Variants in MMRN2 observed in about 807,000 individuals in gnomAD.
MMRN2 encodes multimerin-2.
In MMRN2, 53 loss-of-function variants were observed where a neutral mutation model predicts 68.8. The observed-to-expected ratio is 0.77, with a 90% CI of 0.62 to 0.97. MMRN2 has a LOEUF of 0.97. Among genes scored for constraint, MMRN2 ranks in the 50% least tolerant of loss-of-function variants. MMRN2 has a pLI of 0.00. For synonymous variants in MMRN2, 564 were observed against 551.6 expected, an observed-to-expected ratio of 1.02 and a Z score of -0.32; for missense variants, 1,266 against 1,259.5, an observed-to-expected ratio of 1.01 and a Z score of -0.08.
At chr10:86,940,199 G>T (rs1223162697) in intron 6 of MMRN2, among the ~76,000 whole-genome samples, 2 of 151,976 alleles carry the variant, frequency 1.3e-5, no homozygotes, top group Non-Finnish European at 2.9e-5. Flanking sequence ...TAGTAGAGAT[G>T]GGGTTTCACC....
chr10:86,945,598 G>C lies in MMRN2; in HGVS notation c.256C>G (p.Pro86Ala), dbSNP rs1844055477. 8.1e-6 allele frequency: 13 copies of C among 1,610,862 alleles called. No individual in the cohort carries two copies. The highest frequency in any genetic ancestry group is 1.1e-5 in the Non-Finnish European group (13 of 1,178,732). ...KFLIHSQQPC[P>A]QGAPDCQKVK... The stretch of plus-strand genomic sequence containing the variant: ...TTCTGGCAGTCTGGAGCTCCCTGCG[G>C]ACACGGCTGCTGCGAGTGGATGAGG... The change falls in exon 2 of 7, where the codon CCG (proline) becomes GCG (alanine). Residue 86 changes from proline (P) to alanine (A), a missense_variant. Transcript: ENST00000372027.
intron 6 of MMRN2, among the ~76,000 whole-genome samples, chr10:86,939,806 G>GGTGTGT (rs769816445): frequency 1.6e-4 from 24 of 146,722 alleles, no homozygotes; most frequent in South Asian, 6.6e-4. Context: ...GGAAATTTGG[G>GGTGTGT]GTGTGTGTGT....
Position 86,941,283 on chromosome 10 carries a change from A to G in MMRN2, c.2467+1034T>C, listed in dbSNP as rs1000901777. ...CCTTAGCAGGTGCCTGAAATCTCAG[A>G]CAGTACCAAACCCTATATATACTAT... On this transcript the variant is annotated intron_variant, in intron 6 of 6. Coordinates refer to ENST00000372027, the MANE Select transcript of MMRN2 (RefSeq NM_024756.3). Among the ~76,000 whole-genome samples the G allele has an allele frequency of 3.3e-5, 5 of 152,338 alleles. No individual in the cohort carries two copies. In the East Asian group the frequency reaches 9.6e-4, roughly 29 times the overall value.
chr10:86,956,721 G>T lies in MMRN2; in HGVS notation c.164+657C>A, dbSNP rs931086137. Among the ~76,000 whole-genome samples, 3 of 152,338 alleles carry T rather than the reference G, an allele frequency of 2.0e-5. No homozygotes were observed. The South Asian group carries it at 6.2e-4, about 32-fold the overall frequency. ...AAGGTGCCTGGCCCTGAGACTGGGG[G>T]CCCCGTAAACAGCACCTGCTGCTCT... On this transcript the variant is annotated intron_variant, in intron 1 of 6. Transcript: ENST00000372027.
At position 86,943,443 on chromosome 10, in the gene MMRN2, G is replaced by A. The variant is rs1224233462; in HGVS notation, c.1341C>T (p.Arg447=). Residue 447 remains arginine (R), a synonymous_variant, in exon 6 of 7, where the codon CGC becomes CGT. Transcript: ENST00000372027. This position sits in a 1 kb window ranked among gnomAD's most constrained non-coding sequence, Gnocchi z 4.2. ...QVNHTALREL[R]VILMEKSLIM... ...TCAGAGACTTCTCCATCAGGATCAC[G>A]CGCAGCTCACGGAGCGCCGTGTGGT... is the stretch of plus-strand genomic sequence containing the variant. The A allele has an allele frequency of 3.7e-6, 6 of 1,614,130 alleles. No homozygotes were observed. Among genetic ancestry groups the A allele is most frequent in the Admixed American group, 3.3e-5 (2 of 60,026 alleles).
At chr10:86,941,173 C>T (rs186829487) in intron 6 of MMRN2, among the ~76,000 whole-genome samples, 83 of 152,312 alleles carry the variant, frequency 5.4e-4, no homozygotes, top group African/African-American at 1.9e-3. Context: ...AGCGATGAGA[C>T]AGGTTAACTG....
rs779534804 is a variant in MMRN2, at chr10:86,942,691, G to A, written c.2093C>T (p.Ala698Val). 1.5e-5 allele frequency: 24 copies of A among 1,564,758 alleles called. No homozygotes were observed. The highest frequency in any genetic ancestry group is 6.9e-5 in the East Asian group (3 of 43,358). Residue 698 changes from alanine (A) to valine (V), a missense_variant, in exon 6 of 7, where the codon GCG becomes GTG. Physicochemically the swap from Ala to Val is moderately conservative, Grantham distance 64 (BLOSUM62 0). Transcript: ENST00000372027. ...GTTGCTCAGGCTCTGGAGCTCCCGC[G>A]CCAGCCCGGCCAGGGCGGTGGTGGC... ...EAATTALAGL[A>V]RELQSLSNDV...
In MMRN2 at chr10:86,942,838, T is replaced by C. The variant is rs748177171; in HGVS notation, c.1946A>G (p.Gln649Arg). 3.6e-5 allele frequency: 49 copies of C among 1,378,500 alleles called. No individual in the cohort carries two copies. In the East Asian group the frequency reaches 4.7e-4, roughly 13 times the overall value. The allele number at this position is 1,378,500 out of a possible 1,614,324, so 85.4% of individuals were successfully genotyped here. A position where few individuals can be genotyped will look rare whatever the true frequency, so the allele number is the denominator to read the frequency against. ...CTCGTCCCAGCCGAGCGCCTGCTCC[T>C]GCAGCCCGCTAGCGGCGTCCTGCAG... Reference protein sequence around the residue: ...VALQDAASGLQEQALGWDELA... With the variant: ...VALQDAASGLREQALGWDELA... The change falls in exon 6 of 7, where the codon CAG becomes CGG. Residue 649 changes from glutamine (Q) to arginine (R), a missense_variant. By Grantham distance (43) the Gln-to-Arg change is conservative (BLOSUM62 1). Coordinates refer to ENST00000372027, the MANE Select transcript of MMRN2 (RefSeq NM_024756.3).
chr10:86,944,232 CT>C, intron 5 of MMRN2, 29 bp downstream of exon 5: 1 of 1,595,054 alleles, frequency 6.3e-7, no homozygotes, highest in Non-Finnish European at 8.6e-7. Context: ...TGACCAGGCT[CT>C]TCCTCAGCCC....
rs778495517 is a variant in MMRN2 at position 86,936,783 on chromosome 10, G to A, written c.2810C>T (p.Ser937Leu). Residue 937 changes from serine (S) to leucine (L), a missense_variant, in exon 7 of 7, where the codon TCG becomes TTG. Ser to Leu is a moderately radical substitution (Grantham distance 145). Coordinates refer to ENST00000372027, the MANE Select transcript of MMRN2 (RefSeq NM_024756.3). ...TQGSITKRSLSGTAFGGFLMF... is the reference protein window; with the variant it reads ...TQGSITKRSLLGTAFGGFLMF... Reference sequence around the variant, plus strand: ...CAGGAAGCCCCCAAATGCAGTGCCCGACAGGCTTCTCTTTGTTATTGATCC... The same window carrying A: ...CAGGAAGCCCCCAAATGCAGTGCCCAACAGGCTTCTCTTTGTTATTGATCC... 6.8e-6 allele frequency: 11 copies of A among 1,614,008 alleles called. No homozygotes were observed. The highest frequency in any genetic ancestry group is 2.2e-5 in the South Asian group (2 of 91,064).
intron 6 of MMRN2, among the ~76,000 whole-genome samples, chr10:86,939,817 GTGTGTGTGTGTGTGTGTGTGTT>G (rs550826562): frequency 0.12 from 17,133 of 137,934 alleles, 1,035 homozygotes; most frequent in African/African-American, 0.17. Flanking sequence ...GTGTGTGTGT[GTGTGTGTGTGTGTGTGTGTGTT>G]TGTGTGTGTG....
rs1843991275 is a variant in MMRN2, at chr10:86,942,654, A to T, written c.2130T>A (p.Asn710Lys). 3 of 1,597,028 alleles carry T rather than the reference A, an allele frequency of 1.9e-6. No homozygotes were observed. The highest frequency in any genetic ancestry group is 2.2e-5 in the South Asian group (2 of 90,784). The change falls in exon 6 of 7, where the codon AAT becomes AAA. Residue 710 changes from asparagine to lysine, a missense_variant. Asn to Lys is a moderately conservative substitution (Grantham distance 94). Transcript: ENST00000372027. ...ELQSLSNDVK[N>K]VGRCCEAEAG... Reference sequence around the variant, plus strand: ...CCTCGGCCTCGCAGCACCGCCCGACATTCTTGACGTCGTTGCTCAGGCTCT... The same window carrying T: ...CCTCGGCCTCGCAGCACCGCCCGACTTTCTTGACGTCGTTGCTCAGGCTCT...
chr10:86,939,933 C>A (rs1843943637), intron 6 of MMRN2, among the ~76,000 whole-genome samples: 1 of 151,902 alleles, frequency 6.6e-6, no homozygotes, highest in Admixed American at 6.6e-5. Flanking sequence ...TCACAGCAAC[C>A]TCTGCCTCCC....
At chr10:86,945,948 C>A in intron 1 of MMRN2, 1 of 891,966 alleles carries the variant, frequency 1.1e-6, no homozygotes, top group Non-Finnish European at 1.6e-6. Context: ...GAGAAACCCA[C>A]CACAATCTAG....
At chr10:86,954,469 G>T (rs1312764393) in intron 1 of MMRN2, among the ~76,000 whole-genome samples, 1 of 152,236 alleles carries the variant, frequency 6.6e-6, no homozygotes, top group East Asian at 1.9e-4. Flanking sequence ...GGTGTGGGGG[G>T]AAGGGAGAGG....
rs913616291 is a variant in MMRN2, at chr10:86,943,263, G to A, written c.1521C>T (p.Gly507=). The change falls in exon 6 of 7, where the codon GGC becomes GGT. Residue 507 remains glycine (G), a synonymous_variant. Coordinates refer to ENST00000372027, the MANE Select transcript of MMRN2 (RefSeq NM_024756.3). This position sits in a 1 kb window ranked among gnomAD's most constrained non-coding sequence, Gnocchi z 4.2. Reference sequence around the variant, plus strand: ...CCAGGGCACGCGTGGCGTCCCTCTGGCCCTCCCGGATGACGTCCAGGTCTA... The same window carrying A: ...CCAGGGCACGCGTGGCGTCCCTCTGACCCTCCCGGATGACGTCCAGGTCTA... ...LYLDLDVIRE[G]QRDATRALEE... 4 of 1,613,358 alleles carry A rather than the reference G, an allele frequency of 2.5e-6. No homozygotes were observed. Among genetic ancestry groups the A allele is most frequent in the Non-Finnish European group, 8.5e-7 (1 of 1,179,960 alleles).
At chr10:86,940,637 G>A (rs545066153) in intron 6 of MMRN2, among the ~76,000 whole-genome samples, 1 of 152,256 alleles carries the variant, frequency 6.6e-6, no homozygotes, top group East Asian at 1.9e-4. Flanking sequence ...AGTGATGCCA[G>A]AGCCTGGGTG....
intron 1 of MMRN2, among the ~76,000 whole-genome samples, chr10:86,952,231 G>A (rs1035478778): frequency 6.6e-6 from 1 of 152,086 alleles, no homozygotes; most frequent in Non-Finnish European, 1.5e-5. Context: ...ACGTAAAAAG[G>A]GGACACCTCA....
At chr10:86,940,819 T>C (rs1202031133) in intron 6 of MMRN2, among the ~76,000 whole-genome samples, 3 of 152,140 alleles carry the variant, frequency 2.0e-5, no homozygotes, top group Non-Finnish European at 4.4e-5. Flanking sequence ...AGGCCACAGC[T>C]CCAAGGCCAG....
Sources: allele counts gnomAD v4.1 joint callset (sites outside exome capture counted in the v4.1 genomes callset), GRCh38; gene constraint gnomAD v4.1.1; non-coding constraint Gnocchi (gnomAD v3.1); transcripts MANE v1.5; gene names NCBI Gene and HGNC (gene_info 2026-07-23, HGNC 2026-07-21).